Variants in PCDHA1 observed in about 807,000 individuals in gnomAD.
PCDHA1 encodes protocadherin alpha 1, also known as protocadherin alpha-1.
PCDHA1 carries 42 observed loss-of-function variants against 61.3 expected under a neutral mutation model. The ratio of observed to expected loss-of-function variants is 0.69; its 90% CI spans 0.54 to 0.89. The LOEUF is 0.89. PCDHA1 is among the 40% of genes least tolerant of loss of function. The pLI is 0.00. For synonymous variants in PCDHA1, 610 were observed against 553.8 expected, an observed-to-expected ratio of 1.10 and a Z score of -1.43; for missense variants, 1,256 against 1,235.3, an observed-to-expected ratio of 1.02 and a Z score of -0.25.
chr5:140,939,886 T>C (rs1165679302), intron 1 of PCDHA1, among the ~76,000 whole-genome samples: 1 of 152,242 alleles, frequency 6.6e-6, no homozygotes, highest in Non-Finnish European at 1.5e-5. Flanking sequence ...AGTTGTGTTG[T>C]TCAAATATTC....
chr5:140,808,653 T>C (rs1554124677), intron 1 of PCDHA1: 2 of 1,613,224 alleles, frequency 1.2e-6, no homozygotes, highest in Admixed American at 1.7e-5. Flanking sequence ...GAGAACGCGC[T>C]GGTGTCCTAC....
intron 2 of PCDHA1, 101 bp downstream of exon 2, chr5:140,979,108 A>G: frequency 6.6e-7 from 1 of 1,526,122 alleles, no homozygotes; most frequent in African/African-American, 1.4e-5. Flanking sequence ...AAAACTAAAA[A>G]GCTTTAGGTA....
At chr5:141,007,235 T>G (rs2098311065) in intron 3 of PCDHA1, among the ~76,000 whole-genome samples, 1 of 151,964 alleles carries the variant, frequency 6.6e-6, no homozygotes, top group Non-Finnish European at 1.5e-5. Context: ...GAAGGATTGT[T>G]GAGCTGAAGG....
At chr5:140,808,829 A>C (rs1382810188) in intron 1 of PCDHA1, 6 of 1,612,990 alleles carry the variant, frequency 3.7e-6, no homozygotes, top group Middle Eastern at 3.5e-4. Context: ...TCTGGGCAGC[A>C]ACGTGACGCT....
chr5:140,797,004 G>A (rs1554120239), intron 1 of PCDHA1: 3 of 1,613,712 alleles, frequency 1.9e-6, no homozygotes, highest in Non-Finnish European at 1.7e-6. Flanking sequence ...AGGCCTCGTC[G>A]CGGGCGTGGG....
chr5:140,962,619 T>C (rs1405135656), intron 1 of PCDHA1, among the ~76,000 whole-genome samples: 1 of 152,212 alleles, frequency 6.6e-6, no homozygotes, highest in East Asian at 1.9e-4. Context: ...GGAAGGGAGA[T>C]GTGAAAAAAT....
intron 1 of PCDHA1, among the ~76,000 whole-genome samples, chr5:140,931,278 T>G (rs1488323710): frequency 1.3e-5 from 2 of 152,174 alleles, no homozygotes; most frequent in Non-Finnish European, 2.9e-5. Context: ...TCTTTTATTT[T>G]CATTGCTTTC....
intron 1 of PCDHA1, chr5:140,871,371 G>T: frequency 6.2e-7 from 1 of 1,614,202 alleles, no homozygotes; most frequent in Non-Finnish European, 8.5e-7. Context: ...GGCGGCAGAG[G>T]GTGTGCTCTG....
chr5:140,950,862 A>G (rs2094526538), intron 1 of PCDHA1, among the ~76,000 whole-genome samples: 1 of 151,952 alleles, frequency 6.6e-6, no homozygotes, highest in African/African-American at 2.4e-5. Context: ...ATATTCTTGT[A>G]TATTCTATAT....
intron 1 of PCDHA1, among the ~76,000 whole-genome samples, chr5:140,886,827 G>GA (rs782016620): frequency 0.032 from 1,958 of 60,672 alleles, 33 homozygotes; most frequent in African/African-American, 0.049. Context: ...ACTTCGTCTT[G>GA]AAAAAAAAAA....
intron 1 of PCDHA1, chr5:140,863,034 A>T (rs782534693): frequency 1.8e-6 from 1 of 557,814 alleles, no homozygotes; most frequent in Non-Finnish European, 3.5e-6. Flanking sequence ...CAACAGCTGC[A>T]TCTGTCAGCT....
intron 1 of PCDHA1, chr5:140,864,760 T>C (rs1282604676): frequency 6.6e-6 from 1 of 152,230 alleles, no homozygotes; most frequent in Non-Finnish European, 1.5e-5. Flanking sequence ...TCATTTTTCT[T>C]TCATTTTTGG....
At chr5:140,790,562 T>G (rs1014461782) in intron 1 of PCDHA1, among the ~76,000 whole-genome samples, 5 of 152,150 alleles carry the variant, frequency 3.3e-5, no homozygotes, top group Non-Finnish European at 7.4e-5. Context: ...CAGAAAAAAA[T>G]AATCTTAGCA....
chr5:140,967,210 C>A, intron 1 of PCDHA1: 1 of 1,613,674 alleles, frequency 6.2e-7, no homozygotes, highest in Non-Finnish European at 8.5e-7. Flanking sequence ...CACCGCGTTT[C>A]CCGCGGCCCA....
At chr5:140,927,905 C>T in intron 1 of PCDHA1, 3 of 1,614,210 alleles carry the variant, frequency 1.9e-6, no homozygotes, top group Non-Finnish European at 2.5e-6. Context: ...GATCATGCCC[C>T]CGAACTGGAC....
intron 1 of PCDHA1, among the ~76,000 whole-genome samples, chr5:140,894,207 A>G (rs962841413): frequency 3.9e-5 from 6 of 152,012 alleles, no homozygotes; most frequent in African/African-American, 1.4e-4. Flanking sequence ...ATGCTATTAT[A>G]TTCTCATTTT....
intron 1 of PCDHA1, chr5:140,968,996 G>T: frequency 1.2e-6 from 2 of 1,614,202 alleles, no homozygotes; most frequent in Non-Finnish European, 1.7e-6. Flanking sequence ...ATGCTGTGGA[G>T]GCTTCTGTGG....
chr5:140,876,378 T>G (rs1554168503), intron 1 of PCDHA1: 1 of 1,613,948 alleles, frequency 6.2e-7, no homozygotes. Flanking sequence ...CAGGTGAAAT[T>G]AGAATTTATG....
intron 1 of PCDHA1, chr5:140,875,959 G>C (rs1448292250): frequency 5.0e-6 from 8 of 1,614,070 alleles, no homozygotes; most frequent in South Asian, 2.2e-5. Context: ...TGCGGATATC[G>C]GCGTAAACTC....
Sources: allele counts gnomAD v4.1 joint callset (sites outside exome capture counted in the v4.1 genomes callset), GRCh38; gene constraint gnomAD v4.1.1; transcripts MANE v1.5; gene names NCBI Gene and HGNC (gene_info 2026-07-23, HGNC 2026-07-21).